NXPH1: variants seen among roughly 807,000 people sequenced by gnomAD.
The protein encoded by NXPH1 is neurexophilin-1.
Under a neutral mutation model 23.7 loss-of-function variants are expected in NXPH1, and 5 were observed. The observed-to-expected ratio is 0.21, with a 90% CI of 0.11 to 0.44. The LOEUF is 0.44. Ranked by LOEUF, NXPH1 falls within the 20% of genes least tolerant of loss-of-function variation. The pLI is 0.99. For synonymous variants in NXPH1, 144 were observed against 122.2 expected, an observed-to-expected ratio of 1.18 and a Z score of -1.18; for missense variants, 324 against 321.6, an observed-to-expected ratio of 1.01 and a Z score of -0.06.
intron 2 of NXPH1, among the ~76,000 whole-genome samples, chr7:8,710,162 C>G (rs569763035): frequency 6.6e-6 from 1 of 152,150 alleles, no homozygotes; most frequent in African/African-American, 2.4e-5. Flanking sequence ...TTTGTGACTT[C>G]GTGGGGGTGT....
At chr7:8,740,241 C>A (rs1028508521) in intron 2 of NXPH1, among the ~76,000 whole-genome samples, 2 of 152,034 alleles carry the variant, frequency 1.3e-5, no homozygotes, top group Non-Finnish European at 2.9e-5. Context: ...TATTTGTAGC[C>A]CCTATATTTA....
intron 2 of NXPH1, among the ~76,000 whole-genome samples, chr7:8,574,457 A>G (rs969788745): frequency 6.6e-6 from 1 of 152,148 alleles, no homozygotes; most frequent in South Asian, 2.1e-4. Flanking sequence ...TTACAGATTC[A>G]GTTTAAGATT....
chr7:8,728,288 G>A (rs936953205), intron 2 of NXPH1, among the ~76,000 whole-genome samples: 2 of 152,102 alleles, frequency 1.3e-5, no homozygotes, highest in African/African-American at 4.8e-5. Flanking sequence ...CTGCAAACAG[G>A]GACAATTTGA....
rs138146611 is a variant in NXPH1 at position 8,742,454 on chromosome 7, C to G, written c.55-8554C>G. On this transcript the variant is annotated intron_variant, in intron 2 of 2. Coordinates refer to ENST00000405863, the MANE Select transcript of NXPH1 (RefSeq NM_152745.3). ...TACGGTATATTCATAATATAGAATT[C>G]TAACTATACTTAAGTTTAAAATAAA... Among the ~76,000 whole-genome samples the G allele has an allele frequency of 1.4e-4, 21 of 152,132 alleles. No individual in the cohort carries two copies. In the East Asian group the frequency reaches 4.0e-3, roughly 29 times the overall value.
chr7:8,582,121 T>A (rs1184568571), intron 2 of NXPH1, among the ~76,000 whole-genome samples: 1 of 152,144 alleles, frequency 6.6e-6, no homozygotes, highest in African/African-American at 2.4e-5. Flanking sequence ...CTGGATCAGA[T>A]GTACTGCACG....
chr7:8,728,061 G>C (rs1780086403), intron 2 of NXPH1, among the ~76,000 whole-genome samples: 1 of 150,126 alleles, frequency 6.7e-6, no homozygotes, highest in African/African-American at 2.4e-5. Context: ...CACATCCCTT[G>C]TAAGTTGGAT....
rs573428251 is a variant in NXPH1 at position 8,480,287 on chromosome 7, T to G, written c.54+44520T>G. On this transcript the variant is annotated intron_variant, in intron 2 of 2. Transcript: ENST00000405863. The stretch of plus-strand genomic sequence containing the variant: ...TTGAAAACAAAAGAGAAAAAAAGGT[T>G]GGATGGAATTTTTATTTTCTCTCCT... Among the ~76,000 whole-genome samples the G allele has an allele frequency of 3.3e-5, 5 of 152,312 alleles. No individual in the cohort carries two copies. The East Asian group carries it at 5.8e-4, about 18-fold the overall frequency.
Position 8,534,118 on chromosome 7 carries a change from C to G in NXPH1, c.54+98351C>G, listed in dbSNP as rs143250813. On this transcript the variant is annotated intron_variant, in intron 2 of 2. Coordinates refer to ENST00000405863, the MANE Select transcript of NXPH1 (RefSeq NM_152745.3). ...CACAAAAATCAATATGGGTGTTATT[C>G]TATAGATCAAGCTATCACTTTATAG... Among the ~76,000 whole-genome samples, 144 of 152,178 alleles carry G rather than the reference C, an allele frequency of 9.5e-4. 1 individual carries two copies. The highest frequency in any genetic ancestry group is 1.7e-3 in the Non-Finnish European group (114 of 68,002).
In NXPH1 at chr7:8,473,481, G is replaced by A. The variant is rs185870144; in HGVS notation, c.54+37714G>A. Reference sequence around the variant, plus strand: ...CCCTGCCATCTAAAACTGGCATGCGGGTGTGAGGCTTCAGATTAACACCTA... The same window carrying A: ...CCCTGCCATCTAAAACTGGCATGCGAGTGTGAGGCTTCAGATTAACACCTA... On this transcript the variant is annotated intron_variant, in intron 2 of 2. Transcript: ENST00000405863. Among the ~76,000 whole-genome samples the A allele has an allele frequency of 1.8e-3, 272 of 152,100 alleles. 2 individuals are homozygous for A. The highest frequency in any genetic ancestry group is 5.3e-4 in the Non-Finnish European group (36 of 67,982).
intron 2 of NXPH1, among the ~76,000 whole-genome samples, chr7:8,572,665 C>G (rs567771398): frequency 6.6e-6 from 1 of 152,020 alleles, no homozygotes; most frequent in Admixed American, 6.6e-5. Flanking sequence ...AAATCAAACT[C>G]TATTGCAGGT....
chr7:8,561,371 C>CAA (rs1818441650), intron 2 of NXPH1, among the ~76,000 whole-genome samples: 3 of 150,296 alleles, frequency 2.0e-5, no homozygotes, highest in African/African-American at 7.4e-5. Context: ...CACACACACA[C>CAA]ACACACACAC....
chr7:8,672,320 A>C (rs1472837131), intron 2 of NXPH1, among the ~76,000 whole-genome samples: 1 of 152,066 alleles, frequency 6.6e-6, no homozygotes, highest in African/African-American at 2.4e-5. Context: ...CACTCTGGGG[A>C]CTGTTGTGGG....
chr7:8,453,009 G>T (rs954273537), intron 2 of NXPH1, among the ~76,000 whole-genome samples: 2 of 152,096 alleles, frequency 1.3e-5, no homozygotes, highest in African/African-American at 4.8e-5. Context: ...TATAGTATCT[G>T]CAGGCCTCTG....
chr7:8,440,442 G>C (rs969741894), intron 2 of NXPH1, among the ~76,000 whole-genome samples: 1 of 152,168 alleles, frequency 6.6e-6, no homozygotes, highest in Non-Finnish European at 1.5e-5. Flanking sequence ...TAAATTCGTG[G>C]CTCCTCTGTG....
intron 2 of NXPH1, among the ~76,000 whole-genome samples, chr7:8,536,161 C>T (rs376983642): frequency 5.9e-5 from 9 of 152,130 alleles, no homozygotes; most frequent in African/African-American, 1.2e-4. Context: ...TTAACCTTTG[C>T]ATTTTCTTTC....
At chr7:8,544,037 A>C (rs1242992808) in intron 2 of NXPH1, among the ~76,000 whole-genome samples, 2 of 151,612 alleles carry the variant, frequency 1.3e-5, no homozygotes, top group East Asian at 3.9e-4. Flanking sequence ...CTACATCCGC[A>C]ATCCAACTCT....
At chr7:8,483,178 C>G (rs557810588) in intron 2 of NXPH1, among the ~76,000 whole-genome samples, 1 of 152,140 alleles carries the variant, frequency 6.6e-6, no homozygotes, top group South Asian at 2.1e-4. Flanking sequence ...TGGGAATGTA[C>G]ATTAGATTGG....
At chr7:8,473,129 T>G (rs898386034) in intron 2 of NXPH1, among the ~76,000 whole-genome samples, 1 of 152,178 alleles carries the variant, frequency 6.6e-6, no homozygotes, top group African/African-American at 2.4e-5. Flanking sequence ...TTAAAATCTT[T>G]CTTACCATTT....
chr7:8,595,731 G>A (rs1054869927), intron 2 of NXPH1, among the ~76,000 whole-genome samples: 9 of 151,872 alleles, frequency 5.9e-5, no homozygotes, highest in Admixed American at 5.3e-4. Context: ...GTGTGTGTCT[G>A]TGTGCGTGTG....
Sources: allele counts gnomAD v4.1 joint callset (sites outside exome capture counted in the v4.1 genomes callset), GRCh38; gene constraint gnomAD v4.1.1; transcripts MANE v1.5; gene names NCBI Gene and HGNC (gene_info 2026-07-23, HGNC 2026-07-21).